The following DGKB variants were observed in gnomAD, a reference collection of about 807,000 sequenced individuals.
The protein encoded by DGKB is 90 kDa diacylglycerol kinase.
DGKB carries 67 observed loss-of-function variants against 114.3 expected under a neutral mutation model. The ratio of observed to expected loss-of-function variants is 0.59; its 90% CI spans 0.48 to 0.72. DGKB has a LOEUF of 0.72. Ranked by LOEUF, DGKB falls within the 30% of genes least tolerant of loss-of-function variation. DGKB has a pLI of 0.00. For synonymous variants in DGKB, 398 were observed against 323.1 expected, an observed-to-expected ratio of 1.23 and a Z score of -2.49; for missense variants, 907 against 975.2, an observed-to-expected ratio of 0.93 and a Z score of 0.93.
intron 5 of DGKB, among the ~76,000 whole-genome samples, chr7:14,735,283 C>A (rs1166997566): frequency 6.6e-6 from 1 of 152,256 alleles, no homozygotes; most frequent in Admixed American, 6.5e-5. Context: ...TGCTAGGCAA[C>A]CCCTCACCTC....
chr7:14,586,447 T>C (rs888729654), intron 17 of DGKB, among the ~76,000 whole-genome samples: 27 of 152,202 alleles, frequency 1.8e-4, no homozygotes, highest in African/African-American at 6.5e-4. Flanking sequence ...AGAAGCTGTA[T>C]AAACAGCAAG....
At chr7:14,795,535 G>GC (rs1234629453) in intron 2 of DGKB, among the ~76,000 whole-genome samples, 1 of 152,130 alleles carries the variant, frequency 6.6e-6, no homozygotes, top group Non-Finnish European at 1.5e-5. Context: ...TGTCAGTGGA[G>GC]CCCTGTCATC....
At chr7:14,884,538 C>G (rs217577) in intron 1 of DGKB, among the ~76,000 whole-genome samples, 137,108 of 151,868 alleles carry the variant, frequency 0.9, 62,358 homozygotes, top group Non-Finnish European at 0.96. Context: ...AGATAAATAT[C>G]TTCCCTGACA....
intron 13 of DGKB, among the ~76,000 whole-genome samples, chr7:14,672,119 T>C (rs993151574): frequency 1.3e-5 from 2 of 152,028 alleles, no homozygotes; most frequent in Non-Finnish European, 2.9e-5. Flanking sequence ...AAATGAGTAA[T>C]ATGATTAATT....
chr7:14,704,911 C>G (rs1030901378), intron 6 of DGKB, among the ~76,000 whole-genome samples: 4 of 152,024 alleles, frequency 2.6e-5, no homozygotes, highest in African/African-American at 9.7e-5. Context: ...AATCAGAGCG[C>G]CTCTCCTCCT....
At chr7:14,634,593 G>A (rs1810387415) in intron 13 of DGKB, among the ~76,000 whole-genome samples, 1 of 151,036 alleles carries the variant, frequency 6.6e-6, no homozygotes, top group Non-Finnish European at 1.5e-5. Context: ...TAGTTAAAGT[G>A]TTCCAAATAT....
intron 5 of DGKB, among the ~76,000 whole-genome samples, chr7:14,732,896 T>G (rs1297886876): frequency 6.6e-6 from 1 of 152,206 alleles, no homozygotes; most frequent in African/African-American, 2.4e-5. Flanking sequence ...TTTATCAGAA[T>G]TGTTCTCTTT....
intron 20 of DGKB, among the ~76,000 whole-genome samples, chr7:14,530,713 T>C (rs1168904136): frequency 6.6e-6 from 1 of 151,530 alleles, no homozygotes; most frequent in Non-Finnish European, 1.5e-5. Context: ...TTCTTGCCAA[T>C]CTCACAAAGA....
chr7:14,841,384 C>A lies in DGKB; in HGVS notation c.-121G>T. On this transcript the variant is annotated 5_prime_UTR_variant, in exon 2 of 26. An upstream open reading frame in the 5' UTR loses its in-frame stop. Coordinates refer to ENST00000402815, the MANE Select transcript of DGKB (RefSeq NM_001350709.2). Reference sequence around the variant, plus strand: ...TTCATGATAAAATACCTCAGGCTTTCAAAATATGCAATCTGTCCACATGAA... The same window carrying A: ...TTCATGATAAAATACCTCAGGCTTTAAAAATATGCAATCTGTCCACATGAA... 2 of 732,106 alleles carry A rather than the reference C, an allele frequency of 2.7e-6. No individual in the cohort carries two copies. Among genetic ancestry groups the A allele is most frequent in the East Asian group, 2.9e-5 (1 of 34,078 alleles). The allele number at this position is 732,106 out of a possible 1,614,324, so 45.4% of individuals were successfully genotyped here. A position where few individuals can be genotyped will look rare whatever the true frequency, so the allele number is the denominator to read the frequency against.
At position 14,471,217 on chromosome 7, in the gene DGKB, CAT is replaced by C. The variant is rs760774119; in HGVS notation, c.1835+6942_1835+6943del. ...TATGTATGGAATATATGTATATATA[CAT>C]ATATATGTATGGAATATATGTATAC... On this transcript the variant is annotated intron_variant, in intron 21 of 25. Coordinates refer to ENST00000402815, the MANE Select transcript of DGKB (RefSeq NM_001350709.2). 2.4e-4 allele frequency among the ~76,000 whole-genome samples: 29 copies of C among 120,722 alleles called. 3 individuals are homozygous for C. Among genetic ancestry groups the C allele is most frequent in the South Asian group, 1.9e-3 (8 of 4,176 alleles). 79.2% of individuals were successfully genotyped at this position (120,722 alleles called of 152,430 possible).
chr7:14,497,485 A>G (rs1295260064), intron 20 of DGKB, among the ~76,000 whole-genome samples: 1 of 151,760 alleles, frequency 6.6e-6, no homozygotes, highest in Non-Finnish European at 1.5e-5. Context: ...CCCCCATATC[A>G]TAAGATGCCT....
At chr7:14,921,763 G>A (rs1355081989) in intron 1 of DGKB, among the ~76,000 whole-genome samples, 3 of 152,240 alleles carry the variant, frequency 2.0e-5, no homozygotes, top group African/African-American at 4.8e-5. Flanking sequence ...ACTTAAACCA[G>A]AGATTACTTT....
chr7:14,776,763 A>C (rs1838262802), intron 2 of DGKB, among the ~76,000 whole-genome samples: 1 of 152,220 alleles, frequency 6.6e-6, no homozygotes, highest in Non-Finnish European at 1.5e-5. Flanking sequence ...GAGAAGGGAA[A>C]AGTGGGGTTA....
At chr7:14,620,509 T>C (rs188599292) in intron 15 of DGKB, among the ~76,000 whole-genome samples, 5 of 151,776 alleles carry the variant, frequency 3.3e-5, no homozygotes, top group Admixed American at 2.0e-4. Context: ...GAAAATCAAA[T>C]ATAATGAATG....
intron 1 of DGKB, among the ~76,000 whole-genome samples, chr7:14,855,676 C>A (rs1586939607): frequency 6.6e-6 from 1 of 152,090 alleles, no homozygotes; most frequent in African/African-American, 2.4e-5. Context: ...ACCAAAAATT[C>A]TTTTGATCAT....
chr7:14,176,666 A>ATGTC, intron 25 of DGKB, 173 bp downstream of exon 25: 1 of 1,390,650 alleles, frequency 7.2e-7, no homozygotes, highest in South Asian at 1.7e-5. Context: ...AGGGTATATA[A>ATGTC]TGTCTACAAC....
chr7:14,647,145 T>C (rs567927124), intron 13 of DGKB, among the ~76,000 whole-genome samples: 1 of 151,996 alleles, frequency 6.6e-6, no homozygotes, highest in South Asian at 2.1e-4. Context: ...TGATACCACA[T>C]AAATACAAAG....
chr7:14,445,290 CT>C (rs1234625109), intron 21 of DGKB, among the ~76,000 whole-genome samples: 4 of 151,856 alleles, frequency 2.6e-5, no homozygotes, highest in Middle Eastern at 6.8e-3. Context: ...CCTTTTCCCA[CT>C]ATATATTTTA....
intron 23 of DGKB, among the ~76,000 whole-genome samples, chr7:14,223,390 A>G (rs1439152791): frequency 6.6e-6 from 1 of 151,554 alleles, no homozygotes; most frequent in African/African-American, 2.4e-5. Flanking sequence ...TAGAACTGCT[A>G]CTCCTACATA....
Sources: allele counts gnomAD v4.1 joint callset (sites outside exome capture counted in the v4.1 genomes callset), GRCh38; gene constraint gnomAD v4.1.1; transcripts MANE v1.5; gene names NCBI Gene and HGNC (gene_info 2026-07-23, HGNC 2026-07-21).